PCNP: variants seen among roughly 807,000 people sequenced by gnomAD.
PCNP encodes PEST proteolytic signal-containing nuclear protein.
In PCNP, 6 loss-of-function variants were observed where a neutral mutation model predicts 21.8. The ratio of observed to expected loss-of-function variants is 0.28; its 90% CI spans 0.15 to 0.54. PCNP has a LOEUF of 0.54. PCNP is among the 20% of genes least tolerant of loss of function. PCNP has a pLI of 0.95. For missense variants in PCNP, 161 were observed against 215.5 expected, an observed-to-expected ratio of 0.75 and a Z score of 1.58; for synonymous variants, 67 against 73.2, an observed-to-expected ratio of 0.92 and a Z score of 0.43.
chr3:101,592,169 TTTTG>T (rs987874067), intron 4 of PCNP, among the ~76,000 whole-genome samples: 8 of 151,764 alleles, frequency 5.3e-5, no homozygotes, highest in African/African-American at 1.9e-4. Flanking sequence ...GTTTTTTGTT[TTTTG>T]TTTTTTTGTT....
intron 3 of PCNP, among the ~76,000 whole-genome samples, chr3:101,589,559 C>T (rs1252786530): frequency 4.6e-5 from 7 of 151,964 alleles, no homozygotes; most frequent in Non-Finnish European, 8.8e-5. Context: ...TACAGGCACG[C>T]GCCACCACAC....
chr3:101,588,039 G>A (rs938744283), intron 3 of PCNP, among the ~76,000 whole-genome samples: 40 of 152,180 alleles, frequency 2.6e-4, no homozygotes, highest in African/African-American at 8.9e-4. Flanking sequence ...TTGGGAGGCC[G>A]AGGCGGGTGG....
intron 3 of PCNP, among the ~76,000 whole-genome samples, chr3:101,586,462 C>T (rs1239892475): frequency 2.0e-5 from 3 of 151,836 alleles, no homozygotes; most frequent in African/African-American, 7.3e-5. Flanking sequence ...AACCCCCACT[C>T]ATGATGTGAC....
chr3:101,589,183 A>G (rs998885639), intron 3 of PCNP, among the ~76,000 whole-genome samples: 16 of 152,148 alleles, frequency 1.1e-4, no homozygotes, highest in African/African-American at 3.4e-4. Context: ...TTTAAATTTT[A>G]TTTATTCAAG....
chr3:101,580,057 T>A, intron 2 of PCNP, 53 bp downstream of exon 2: 1 of 1,318,302 alleles, frequency 7.6e-7, no homozygotes, highest in Non-Finnish European at 1.1e-6. Flanking sequence ...GGATTTGCTT[T>A]GGAAACGTGG....
At chr3:101,575,102 G>T (rs1436630244) in intron 1 of PCNP, among the ~76,000 whole-genome samples, 1 of 152,074 alleles carries the variant, frequency 6.6e-6, no homozygotes, top group Admixed American at 6.6e-5. Flanking sequence ...CTAAATTCGG[G>T]TCTTGTGCGT....
intron 2 of PCNP, among the ~76,000 whole-genome samples, chr3:101,584,698 A>G (rs564396956): frequency 2.0e-5 from 3 of 152,086 alleles, no homozygotes; most frequent in South Asian, 4.2e-4. Flanking sequence ...CCAAGTAACT[A>G]GGATTACAGG....
rs549201789 is a variant in PCNP at position 101,579,205 on chromosome 3, T to G, written c.65-585T>G. On this transcript the variant is annotated intron_variant, in intron 1 of 4. Coordinates refer to ENST00000265260, the MANE Select transcript of PCNP (RefSeq NM_020357.3). ...AATTGTCAGAGTAGAATTAAATTTC[T>G]CAAGAGGGAATGACCTTGAAGTTCC... Among the ~76,000 whole-genome samples the G allele has an allele frequency of 2.6e-5, 4 of 152,234 alleles. No individual in the cohort carries two copies. In the South Asian group the frequency reaches 6.2e-4, roughly 24 times the overall value.
chr3:101,585,527 G>A lies in PCNP; in HGVS notation c.354+16G>A. 1.3e-6 allele frequency: 2 copies of A among 1,573,432 alleles called. No individual in the cohort carries two copies. Among genetic ancestry groups the A allele is most frequent in the Non-Finnish European group, 1.7e-6 (2 of 1,149,510 alleles). ...AGATGAAGATGTAAGTTGATATCGAGTTTTGTTTTTTTACTTTAACCAGTT... is the reference window on the plus strand; with the variant it reads ...AGATGAAGATGTAAGTTGATATCGAATTTTGTTTTTTTACTTTAACCAGTT... On this transcript the variant is annotated intron_variant, in intron 3 of 4. Transcript: ENST00000265260.
intron 1 of PCNP, 151 bp downstream of exon 1, chr3:101,574,430 G>T (rs946280907): frequency 2.0e-6 from 2 of 981,634 alleles, no homozygotes; most frequent in Admixed American, 3.5e-5. Context: ...GGGCACGCCC[G>T]ATGCGGCCCT....
Position 101,592,676 on chromosome 3 carries a change from G to T in PCNP, c.460G>T (p.Gly154Trp). ...GPNSFNKGKH[G>W]FSDNQKLWER... The stretch of plus-strand genomic sequence containing the variant: ...AAACTCCTTCAATAAAGGAAAGCAT[G>T]GGTTTTCTGATAACCAGAAGCTGTG... Residue 154 changes from glycine (G) to tryptophan (W), a missense_variant, in exon 5 of 5, where the codon GGG (glycine) becomes TGG (tryptophan). This residue lies in a region of PCNP where 66 missense variants were observed against 127.8 expected (regional missense o/e 0.52). Transcript: ENST00000265260. 1 of 1,612,200 alleles carries T rather than the reference G, an allele frequency of 6.2e-7. No individual in the cohort carries two copies. The highest frequency in any genetic ancestry group is 8.5e-7 in the Non-Finnish European group (1 of 1,178,736).
intron 2 of PCNP, among the ~76,000 whole-genome samples, chr3:101,583,141 A>G (rs1935313206): frequency 6.6e-6 from 1 of 152,058 alleles, no homozygotes; most frequent in Non-Finnish European, 1.5e-5. Context: ...CCTGGGCAAC[A>G]TAGTGAGGCC....
At chr3:101,587,548 G>C (rs968230369) in intron 3 of PCNP, among the ~76,000 whole-genome samples, 1 of 151,808 alleles carries the variant, frequency 6.6e-6, no homozygotes, top group Non-Finnish European at 1.5e-5. Flanking sequence ...TAGCAGGGCA[G>C]ACTTAAATGT....
chr3:101,591,656 T>A (rs78561880), intron 4 of PCNP, among the ~76,000 whole-genome samples: 1,757 of 152,332 alleles, frequency 0.012, 32 homozygotes, highest in African/African-American at 0.04. Flanking sequence ...CATGTTTTTC[T>A]TCTATTTCAT....
chr3:101,575,491 T>C (rs906857060), intron 1 of PCNP, among the ~76,000 whole-genome samples: 6 of 151,590 alleles, frequency 4.0e-5, no homozygotes, highest in Non-Finnish European at 8.8e-5. Context: ...TTTTTTTTTT[T>C]ATAACTAGTA....
At chr3:101,577,067 C>T (rs1934955408) in intron 1 of PCNP, 2 of 671,276 alleles carry the variant, frequency 3.0e-6, no homozygotes, top group African/African-American at 1.8e-5. Context: ...CCTCGTGATC[C>T]GCCCGCCTCG....
At chr3:101,578,760 G>A (rs971956422) in intron 1 of PCNP, among the ~76,000 whole-genome samples, 7 of 152,060 alleles carry the variant, frequency 4.6e-5, no homozygotes, top group African/African-American at 1.7e-4. Flanking sequence ...TTCTAGCTCT[G>A]TGTCCTGCTT....
chr3:101,579,735 A>T, intron 1 of PCNP, 55 bp from the exon 2 acceptor site: 1 of 1,249,228 alleles, frequency 8.0e-7, no homozygotes, highest in South Asian at 1.2e-5. Context: ...TGCTGCTCCC[A>T]TCAATCTGCT....
intron 3 of PCNP, among the ~76,000 whole-genome samples, chr3:101,587,176 G>A (rs1234815433): frequency 6.6e-6 from 1 of 151,850 alleles, no homozygotes; most frequent in Non-Finnish European, 1.5e-5. Flanking sequence ...CTTGAACCTG[G>A]GAGGCAGAGG....
Sources: allele counts gnomAD v4.1 joint callset (sites outside exome capture counted in the v4.1 genomes callset), GRCh38; gene constraint gnomAD v4.1.1; regional missense constraint gnomAD v4.1.1; transcripts MANE v1.5; gene names NCBI Gene and HGNC (gene_info 2026-07-23, HGNC 2026-07-21).